Variants in ZDHHC21 observed in about 807,000 individuals in gnomAD.
The protein encoded by ZDHHC21 is zDHHC palmitoyltransferase 21, also known as palmitoyltransferase ZDHHC21.
Under a neutral mutation model 34.6 loss-of-function variants are expected in ZDHHC21, and 15 were observed. That is an observed-to-expected ratio of 0.43 (90% CI 0.29 to 0.67). The LOEUF (loss-of-function observed/expected upper bound fraction) is 0.67, where lower values mean the gene tolerates loss of function less well. Among genes scored for constraint, ZDHHC21 ranks in the 30% least tolerant of loss-of-function variants. ZDHHC21 has a pLI of 0.14. For synonymous variants in ZDHHC21, 142 were observed against 101.8 expected, an observed-to-expected ratio of 1.40 and a Z score of -2.38; for missense variants, 344 against 327.7, an observed-to-expected ratio of 1.05 and a Z score of -0.38.
intron 3 of ZDHHC21, among the ~76,000 whole-genome samples, chr9:14,679,523 A>G (rs1837004009): frequency 6.6e-6 from 1 of 152,168 alleles, no homozygotes; most frequent in African/African-American, 2.4e-5. Context: ...GACCAGCCAA[A>G]CTGTTCTCAA....
In ZDHHC21 at chr9:14,621,136, C is replaced by G. The variant is rs1026855573; in HGVS notation, c.622-1454G>C. Reference sequence around the variant, plus strand: ...CATTGTTCCAAAGCAATTAAAACAACTTACACAAAAGTACGAAGAAAAAGA... The same window carrying G: ...CATTGTTCCAAAGCAATTAAAACAAGTTACACAAAAGTACGAAGAAAAAGA... On this transcript the variant is annotated intron_variant, in intron 8 of 9. Coordinates refer to ENST00000380916, the MANE Select transcript of ZDHHC21 (RefSeq NM_178566.6). 2.6e-5 allele frequency among the ~76,000 whole-genome samples: 4 copies of G among 151,818 alleles called. No individual in the cohort carries two copies. The South Asian group carries it at 8.3e-4, about 31-fold the overall frequency.
intron 2 of ZDHHC21, among the ~76,000 whole-genome samples, chr9:14,687,656 G>C (rs1031558844): frequency 4.0e-5 from 6 of 150,816 alleles, no homozygotes; most frequent in South Asian, 2.1e-4. Flanking sequence ...ATTCCAGTCT[G>C]GGTGCCAGAG....
intron 2 of ZDHHC21, among the ~76,000 whole-genome samples, chr9:14,689,445 C>G (rs552938976): frequency 6.6e-6 from 1 of 152,326 alleles, no homozygotes; most frequent in African/African-American, 2.4e-5. Context: ...AGTGTCAAAG[C>G]ATAAAATACT....
At chr9:14,658,147 C>A (rs576755159) in intron 7 of ZDHHC21, among the ~76,000 whole-genome samples, 2 of 152,108 alleles carry the variant, frequency 1.3e-5, no homozygotes, top group Non-Finnish European at 2.9e-5. Context: ...TGAAAAGAAA[C>A]AAGAACATTT....
At chr9:14,630,195 A>T (rs1827087393) in intron 8 of ZDHHC21, among the ~76,000 whole-genome samples, 1 of 152,206 alleles carries the variant, frequency 6.6e-6, no homozygotes, top group Non-Finnish European at 1.5e-5. Flanking sequence ...CAATCCTCTC[A>T]AACACTGCCA....
At chr9:14,638,915 A>C (rs1828783236) in intron 8 of ZDHHC21, among the ~76,000 whole-genome samples, 1 of 152,102 alleles carries the variant, frequency 6.6e-6, no homozygotes, top group African/African-American at 2.4e-5. Context: ...GGGAATGTAA[A>C]TTAGCCTAAT....
At chr9:14,672,708 G>A in intron 5 of ZDHHC21, 122 bp downstream of exon 5, 1 of 640,236 alleles carries the variant, frequency 1.6e-6, no homozygotes, top group Admixed American at 3.0e-5. Context: ...ACACATACAA[G>A]CAAAGACATC....
intron 8 of ZDHHC21, among the ~76,000 whole-genome samples, chr9:14,630,960 G>A (rs531926809): frequency 6.6e-6 from 1 of 152,272 alleles, no homozygotes; most frequent in South Asian, 2.1e-4. Context: ...TAATTCTTAA[G>A]AGCCTAGGAT....
intron 2 of ZDHHC21, among the ~76,000 whole-genome samples, chr9:14,686,143 T>C (rs555197411): frequency 3.5e-4 from 53 of 152,024 alleles, no homozygotes; most frequent in Middle Eastern, 3.4e-3. Context: ...ACATGGCACA[T>C]GTACACCTAT....
In ZDHHC21 at chr9:14,691,795, T is replaced by C. The variant is rs568209061; in HGVS notation, c.-224-1410A>G. 1.4e-4 allele frequency among the ~76,000 whole-genome samples: 21 copies of C among 152,362 alleles called. No individual in the cohort carries two copies. The South Asian group carries it at 3.7e-3, about 27-fold the overall frequency. ...CTACACCAAAACAATTATGGAATTA[T>C]ACATTTTAACTTATATTTTCATATT... is the stretch of plus-strand genomic sequence containing the variant. On this transcript the variant is annotated intron_variant, in intron 1 of 9. Transcript: ENST00000380916.
In ZDHHC21 at chr9:14,631,722, C is replaced by A. The variant is rs148587243; in HGVS notation, c.621+8174G>T. ...GGATTATTATTTGGCCTCATTTCAACATTATTGTATCTTAGGGAATAGCAA... is the reference window on the plus strand; with the variant it reads ...GGATTATTATTTGGCCTCATTTCAAAATTATTGTATCTTAGGGAATAGCAA... On this transcript the variant is annotated intron_variant, in intron 8 of 9. Transcript: ENST00000380916. Among the ~76,000 whole-genome samples, 482 of 152,204 alleles carry A rather than the reference C, an allele frequency of 3.2e-3. 6 individuals are homozygous for A. The highest frequency in any genetic ancestry group is 0.011 in the African/African-American group (459 of 41,534).
intron 7 of ZDHHC21, among the ~76,000 whole-genome samples, chr9:14,643,773 G>A (rs1234496353): frequency 6.6e-6 from 1 of 152,144 alleles, no homozygotes; most frequent in Non-Finnish European, 1.5e-5. Flanking sequence ...GTTCCGGAAT[G>A]ACTTATCTAA....
intron 8 of ZDHHC21, among the ~76,000 whole-genome samples, chr9:14,620,955 G>A (rs764480674): frequency 1.3e-5 from 2 of 151,898 alleles, no homozygotes; most frequent in Non-Finnish European, 2.9e-5. Context: ...TCTCTGCTCC[G>A]TTGCAATTTC....
intron 2 of ZDHHC21, among the ~76,000 whole-genome samples, chr9:14,686,639 C>G (rs190111362): frequency 6.6e-6 from 1 of 152,206 alleles, no homozygotes; most frequent in East Asian, 1.9e-4. Flanking sequence ...AAGTGGGCTC[C>G]TTGGTTGCAC....
the ZDHHC21 span, among the ~76,000 whole-genome samples, chr9:14,591,376 C>A: frequency 1.3e-5 from 2 of 152,192 alleles, no homozygotes; most frequent in South Asian, 4.2e-4. Context: ...CCTTTTAGCA[C>A]TTTTGTCCCT....
intron 5 of ZDHHC21, among the ~76,000 whole-genome samples, chr9:14,662,793 G>A (rs946775207): frequency 4.6e-5 from 7 of 152,038 alleles, no homozygotes; most frequent in African/African-American, 9.7e-5. Context: ...AAACTCATCC[G>A]AAAAACAGAT....
intron 7 of ZDHHC21, among the ~76,000 whole-genome samples, chr9:14,644,837 CAT>C (rs141594416): frequency 0.21 from 31,187 of 150,186 alleles, 3,789 homozygotes; most frequent in East Asian, 0.34. Context: ...CACACACACA[CAT>C]ATATATATAT....
chr9:14,691,630 G>T (rs924855762), intron 1 of ZDHHC21, among the ~76,000 whole-genome samples: 2 of 152,078 alleles, frequency 1.3e-5, no homozygotes, highest in Admixed American at 6.6e-5. Context: ...AAGTGACACG[G>T]TCCTCATCAT....
chr9:14,657,104 G>A (rs1832381069), intron 7 of ZDHHC21, among the ~76,000 whole-genome samples: 1 of 151,868 alleles, frequency 6.6e-6, no homozygotes. Flanking sequence ...CTTTCATTTG[G>A]AGAAGAAAAT....
Sources: allele counts gnomAD v4.1 joint callset (sites outside exome capture counted in the v4.1 genomes callset), GRCh38; gene constraint gnomAD v4.1.1; transcripts MANE v1.5; gene names NCBI Gene and HGNC (gene_info 2026-07-23, HGNC 2026-07-21).